Variants in SORBS2 observed in about 807,000 individuals in gnomAD.
SORBS2 encodes sorbin and SH3 domain-containing protein 2.
A neutral mutation model predicts 97.7 loss-of-function variants in SORBS2; 46 were observed. That is an observed-to-expected ratio of 0.47 (90% CI 0.37 to 0.60). SORBS2 has a LOEUF of 0.60. Ranked by LOEUF, SORBS2 falls within the 20% of genes least tolerant of loss-of-function variation. SORBS2 has a pLI of 0.00. For missense variants in SORBS2, 1,316 were observed against 1,282.3 expected, an observed-to-expected ratio of 1.03 and a Z score of -0.40; for synonymous variants, 476 against 473.4, an observed-to-expected ratio of 1.01 and a Z score of -0.07.
At chr4:185,751,387 G>A (rs76432656) in intron 2 of SORBS2, among the ~76,000 whole-genome samples, 7,761 of 152,110 alleles carry the variant, frequency 0.051, 679 homozygotes, top group African/African-American at 0.18. Context: ...GAGACAAAGT[G>A]AGAAGAGATG....
chr4:185,605,562 C>T (rs1026322556), intron 12 of SORBS2, among the ~76,000 whole-genome samples: 1 of 151,874 alleles, frequency 6.6e-6, no homozygotes, highest in Non-Finnish European at 1.5e-5. Context: ...GGATTACAGG[C>T]GTAAGCCACC....
intron 2 of SORBS2, among the ~76,000 whole-genome samples, chr4:185,727,386 A>G (rs1011314496): frequency 2.6e-5 from 4 of 152,220 alleles, no homozygotes; most frequent in South Asian, 4.1e-4. Context: ...ATACAAGTAG[A>G]AGTTAAAAGG....
intron 1 of SORBS2, among the ~76,000 whole-genome samples, chr4:185,916,653 C>T (rs1218481440): frequency 6.6e-6 from 1 of 152,122 alleles, no homozygotes; most frequent in African/African-American, 2.4e-5. Flanking sequence ...ATTTTACTTC[C>T]CAGGGGACAT....
At chr4:185,731,316 G>A (rs72702095) in intron 2 of SORBS2, among the ~76,000 whole-genome samples, 4,895 of 152,194 alleles carry the variant, frequency 0.032, 82 homozygotes, top group Middle Eastern at 0.044. Flanking sequence ...ATTTTCTCTT[G>A]TCTCTACTTG....
intron 2 of SORBS2, chr4:185,757,424 T>C (rs2098837815): frequency 6.5e-6 from 1 of 153,122 alleles, no homozygotes; most frequent in African/African-American, 2.4e-5. Flanking sequence ...TTTTTAGTCT[T>C]TACCTGTACA....
intron 1 of SORBS2, among the ~76,000 whole-genome samples, chr4:185,930,091 C>T (rs1276377066): frequency 1.3e-5 from 2 of 152,156 alleles, no homozygotes; most frequent in Non-Finnish European, 2.9e-5. Flanking sequence ...TTTGTCACTA[C>T]TTTTCTACAA....
intron 2 of SORBS2, chr4:185,651,801 G>T: frequency 6.6e-7 from 1 of 1,505,332 alleles, no homozygotes; most frequent in Non-Finnish European, 9.2e-7. Flanking sequence ...GTATGTATAA[G>T]GAGTATTATA....
At chr4:185,657,302 G>T, upstream of SORBS2, 1 of 828,620 alleles carries the variant, frequency 1.2e-6, no homozygotes, top group Non-Finnish European at 1.7e-6. Flanking sequence ...ATGAGAAGTC[G>T]GATGGCACGG....
chr4:185,659,331 G>T (rs1479007101), upstream of SORBS2, among the ~76,000 whole-genome samples: 2 of 152,156 alleles, frequency 1.3e-5, no homozygotes. Flanking sequence ...AGAAGACATG[G>T]TGGTTGAAGT....
chr4:185,756,572 A>C (rs1283880314), intron 2 of SORBS2, among the ~76,000 whole-genome samples: 3 of 152,216 alleles, frequency 2.0e-5, no homozygotes, highest in Non-Finnish European at 4.4e-5. Context: ...TGGTCAGTCT[A>C]TAAAAATGTA....
chr4:185,733,542 G>T (rs2098660245), intron 2 of SORBS2, among the ~76,000 whole-genome samples: 1 of 152,216 alleles, frequency 6.6e-6, no homozygotes, highest in South Asian at 2.1e-4. Context: ...TGGAGGGGCT[G>T]AGACAAGGTG....
At chr4:185,764,847 C>T (rs1416784595) in intron 2 of SORBS2, among the ~76,000 whole-genome samples, 1 of 152,146 alleles carries the variant, frequency 6.6e-6, no homozygotes, top group African/African-American at 2.4e-5. Context: ...GCCTGCTGCA[C>T]ATGTCTCTAA....
intron 2 of SORBS2, among the ~76,000 whole-genome samples, chr4:185,685,861 C>T (rs1329658734): frequency 6.6e-6 from 1 of 152,174 alleles, no homozygotes; most frequent in Non-Finnish European, 1.5e-5. Context: ...TGATTCATAT[C>T]TTTAAACTTA....
intron 1 of SORBS2, among the ~76,000 whole-genome samples, chr4:185,799,425 GTAAAA>G (rs951442900): frequency 6.6e-6 from 1 of 152,182 alleles, no homozygotes; most frequent in Non-Finnish European, 1.5e-5. Context: ...CAAATACTAT[GTAAAA>G]GGAGAAGCCT....
At chr4:185,757,870 C>T (rs890656088) in intron 2 of SORBS2, among the ~76,000 whole-genome samples, 1 of 152,212 alleles carries the variant, frequency 6.6e-6, no homozygotes, top group Non-Finnish European at 1.5e-5. Context: ...AATGAGACCC[C>T]TAATGGCAGC....
At chr4:185,698,922 T>G (rs892453742) in intron 2 of SORBS2, among the ~76,000 whole-genome samples, 2 of 152,156 alleles carry the variant, frequency 1.3e-5, no homozygotes, top group African/African-American at 4.8e-5. Context: ...CTATTTTAAA[T>G]TATTTTCATG....
intron 12 of SORBS2, 55 bp from the exon 25 acceptor site, chr4:185,593,990 G>A (rs540900563): frequency 9.3e-7 from 1 of 1,078,132 alleles, no homozygotes; most frequent in Admixed American, 1.8e-5. Context: ...CTAATTAAAA[G>A]ATAATTTGGA....
At position 185,834,777 on chromosome 4, in the gene SORBS2, G is replaced by A. The variant is rs1013253872; in HGVS notation, c.-337-59411C>T. 2.2e-4 allele frequency among the ~76,000 whole-genome samples: 33 copies of A among 152,040 alleles called. 1 individual carries two copies. The highest frequency in any genetic ancestry group is 3.2e-3 in the Middle Eastern group (1 of 316). The stretch of plus-strand genomic sequence containing the variant: ...TTTGTACATAATAAAAAATAATCAC[G>A]TTTTGCTAGCCCCTACACTATTGTT... On this transcript the variant is annotated intron_variant, in intron 1 of 20. Coordinates refer to the SORBS2 transcript ENST00000284776.
intron 1 of SORBS2, among the ~76,000 whole-genome samples, chr4:185,895,676 T>G (rs2099244678): frequency 6.6e-6 from 1 of 152,218 alleles, no homozygotes; most frequent in African/African-American, 2.4e-5. Flanking sequence ...ACAGGTCAGC[T>G]GAGAATGAAG....
Sources: gnomAD v4.1 joint callset for allele counts (sites outside exome capture counted in the v4.1 genomes callset) on GRCh38, gnomAD v4.1.1 for gene constraint, MANE v1.5 for transcripts, NCBI Gene and HGNC (gene_info 2026-07-23, HGNC 2026-07-21) for gene names.